Variants in DPP10 observed in about 807,000 individuals in gnomAD.
DPP10 encodes the protein inactive dipeptidyl peptidase 10.
In DPP10, 33 loss-of-function variants were observed where a neutral mutation model predicts 120.9. That is an observed-to-expected ratio of 0.27 (90% confidence interval 0.21 to 0.37). DPP10 has a LOEUF of 0.37. DPP10 is among the 10% of genes least tolerant of loss of function. The pLI is 1.00. For synonymous variants in DPP10, 337 were observed against 326.1 expected (o/e 1.03, Z -0.36); for missense variants, 816 against 942.8 (o/e 0.87, Z 1.76).
chr2:114,534,004 C>T lies in DPP10; in HGVS notation c.60+91166C>T, dbSNP rs192962247. 4.1e-3 allele frequency among the ~76,000 whole-genome samples: 622 copies of T among 152,304 alleles called. 2 individuals carry two copies. The highest frequency in any genetic ancestry group is 0.014 in the African/African-American group (600 of 41,564). On this transcript the variant is annotated intron_variant, in intron 1 of 25. Transcript: ENST00000410059. ...ACTGCTGTGATATCTCTTTCTAGAA[C>T]ATCTGTTATTTGGATATGGGATGTT...
chr2:115,796,020 T>C (rs538269223), intron 19 of DPP10, among the ~76,000 whole-genome samples: 1 of 152,236 alleles, frequency 6.6e-6, no homozygotes, highest in Non-Finnish European at 1.5e-5. Context: ...TCATTATTCA[T>C]TCATCATTGA....
At chr2:114,712,228 G>A (rs1267480446) in intron 1 of DPP10, among the ~76,000 whole-genome samples, 2 of 152,186 alleles carry the variant, frequency 1.3e-5, no homozygotes, top group African/African-American at 2.4e-5. Flanking sequence ...GCCAAGGCAT[G>A]AGAATTGCTT....
chr2:114,725,293 A>AT (rs1246728098), intron 1 of DPP10, among the ~76,000 whole-genome samples: 1 of 151,916 alleles, frequency 6.6e-6, no homozygotes, highest in Admixed American at 6.6e-5. Context: ...GCATATTCAC[A>AT]TTTTTTCCAT....
chr2:114,979,750 TTAC>T (rs1369642247), intron 1 of DPP10, among the ~76,000 whole-genome samples: 3 of 152,056 alleles, frequency 2.0e-5, no homozygotes, highest in Non-Finnish European at 4.4e-5. Flanking sequence ...AAAAATTAAT[TTAC>T]TACAATAGTA....
intron 1 of DPP10, among the ~76,000 whole-genome samples, chr2:114,613,434 A>C (rs1190429621): frequency 1.3e-5 from 2 of 152,198 alleles, no homozygotes; most frequent in Non-Finnish European, 2.9e-5. Context: ...CAAGCCAATT[A>C]GAATGGCAAT....
At chr2:114,760,022 C>T (rs1459818661) in intron 1 of DPP10, among the ~76,000 whole-genome samples, 1 of 152,216 alleles carries the variant, frequency 6.6e-6, no homozygotes, top group African/African-American at 2.4e-5. Context: ...ACCCACTTCT[C>T]ACCACCTGCA....
At chr2:114,988,753 G>A (rs766596218) in intron 1 of DPP10, among the ~76,000 whole-genome samples, 12 of 152,088 alleles carry the variant, frequency 7.9e-5, no homozygotes, top group South Asian at 2.1e-4. Flanking sequence ...CCTCTTAATC[G>A]TTAAATTATA....
chr2:115,808,606 G>A (rs971209613), intron 19 of DPP10, among the ~76,000 whole-genome samples: 2 of 152,132 alleles, frequency 1.3e-5, no homozygotes, highest in Non-Finnish European at 2.9e-5. Context: ...AGCAAACGTA[G>A]GCATAAGTGT....
At chr2:114,800,760 T>A (rs1411747438) in intron 1 of DPP10, among the ~76,000 whole-genome samples, 1 of 152,114 alleles carries the variant, frequency 6.6e-6, no homozygotes. Context: ...GCTCAGGTAG[T>A]TATAGAAACC....
intron 1 of DPP10, among the ~76,000 whole-genome samples, chr2:114,736,371 C>T (rs1677438371): frequency 6.6e-6 from 1 of 152,016 alleles, no homozygotes; most frequent in African/African-American, 2.4e-5. Flanking sequence ...AGCATGATTC[C>T]TCGCTTATTG....
intron 1 of DPP10, chr2:115,234,484 G>C (rs996240498): frequency 6.6e-6 from 1 of 152,522 alleles, no homozygotes; most frequent in Non-Finnish European, 1.5e-5. Flanking sequence ...TCAATAGCTA[G>C]ATTTTACTAA....
intron 5 of DPP10, among the ~76,000 whole-genome samples, chr2:115,591,632 A>G (rs1360302925): frequency 1.3e-5 from 2 of 152,154 alleles, no homozygotes; most frequent in Admixed American, 6.5e-5. Context: ...TGTCTTGGCA[A>G]TGTGGACTCT....
chr2:114,594,453 C>CATATAT (rs1382110352), intron 1 of DPP10, among the ~76,000 whole-genome samples: 3 of 147,566 alleles, frequency 2.0e-5, no homozygotes, highest in Non-Finnish European at 4.5e-5. Context: ...TATGTGAACA[C>CATATAT]ATACATATGT....
At chr2:115,050,428 T>G (rs1705384117) in intron 1 of DPP10, among the ~76,000 whole-genome samples, 1 of 152,164 alleles carries the variant, frequency 6.6e-6, no homozygotes, top group Non-Finnish European at 1.5e-5. Flanking sequence ...CTAAAAGTGC[T>G]TGCCTTAATG....
At chr2:115,742,647 G>A (rs1867817) in intron 9 of DPP10, among the ~76,000 whole-genome samples, 44,418 of 151,794 alleles carry the variant, frequency 0.29, 7,095 homozygotes, top group Middle Eastern at 0.44. Flanking sequence ...GGTATGTTAC[G>A]TCAATTTTCA....
chr2:115,361,972 A>ATGTATGTTTGTGTG (rs1464013485), intron 3 of DPP10, among the ~76,000 whole-genome samples: 63 of 149,832 alleles, frequency 4.2e-4, no homozygotes, highest in Non-Finnish European at 6.7e-4. Context: ...TTGTTTTTGC[A>ATGTATGTTTGTGTG]TGTATGTTTG....
intron 1 of DPP10, among the ~76,000 whole-genome samples, chr2:114,701,018 G>GTTA (rs1279284300): frequency 4.0e-5 from 6 of 151,824 alleles, no homozygotes; most frequent in Admixed American, 1.3e-4. Context: ...TAGTATCATT[G>GTTA]TTATTATTAT....
intron 1 of DPP10, among the ~76,000 whole-genome samples, chr2:114,493,990 C>G (rs996870472): frequency 6.7e-6 from 1 of 148,666 alleles, no homozygotes; most frequent in African/African-American, 2.5e-5. Flanking sequence ...TCTGTGAGCT[C>G]AAGAACATTG....
At chr2:114,927,891 T>C (rs1009015322) in intron 1 of DPP10, among the ~76,000 whole-genome samples, 1 of 152,056 alleles carries the variant, frequency 6.6e-6, no homozygotes, top group African/African-American at 2.4e-5. Flanking sequence ...TGTGCAGAGA[T>C]CACAAGGCAA....
Sources: gnomAD v4.1 joint callset for allele counts (sites outside exome capture counted in the v4.1 genomes callset) on GRCh38, gnomAD v4.1.1 for gene constraint, MANE v1.5 for transcripts, NCBI Gene and HGNC (gene_info 2026-07-23, HGNC 2026-07-21) for gene names.